Variants in ICE1 observed in about 807,000 individuals in gnomAD.
ICE1 encodes the protein little elongation complex subunit 1.
Under a neutral mutation model 192.7 loss-of-function variants are expected in ICE1, and 64 were observed. The ratio of observed to expected loss-of-function variants is 0.33; its 90% CI spans 0.27 to 0.41. ICE1 has a LOEUF of 0.41. Ranked by LOEUF, ICE1 falls within the 10% of genes least tolerant of loss-of-function variation. The probability of loss-of-function intolerance (pLI) is 1.00; values close to 1 mark genes in which losing one functional copy is unlikely to be tolerated. For synonymous variants in ICE1, 1,010 were observed against 984.5 expected (o/e 1.03, Z -0.49); for missense variants, 2,708 against 2,696.0 (o/e 1.00, Z -0.10).
chr5:5,422,930 G>T lies in ICE1; in HGVS notation c.15G>T (p.Glu5Asp). 2 of 1,444,836 alleles carry T rather than the reference G, an allele frequency of 1.4e-6. No homozygotes were observed. Among genetic ancestry groups the T allele is most frequent in the South Asian group, 2.7e-5 (2 of 74,010 alleles). The allele number at this position is 1,444,836 out of a possible 1,614,324, so 89.5% of individuals were successfully genotyped here. The stretch of plus-strand genomic sequence containing the variant: ...GCGGCGGCACCATGATGCCGGGCGA[G>T]ACCCATTCGGCGGCGCCCGGGACGG... MMPG[E>D]THSAAPGTAA... Residue 5 changes from glutamate (E) to aspartate (D), a missense_variant, in exon 1 of 19, where the codon GAG becomes GAT. Physicochemically the swap from Glu to Asp is conservative, Grantham distance 45 (BLOSUM62 2). Coordinates refer to ENST00000296564, the MANE Select transcript of ICE1 (RefSeq NM_015325.3).
intron 9 of ICE1, 35 bp from the exon 10 acceptor site, chr5:5,447,806 G>A: frequency 3.2e-6 from 5 of 1,570,498 alleles, no homozygotes; most frequent in Non-Finnish European, 4.3e-6. Context: ...TTGATATGTA[G>A]TATTTTATTA....
intron 1 of ICE1, among the ~76,000 whole-genome samples, chr5:5,434,089 A>G (rs910348368): frequency 1.1e-4 from 16 of 152,220 alleles, no homozygotes; most frequent in African/African-American, 3.1e-4. Context: ...TAATAAATAA[A>G]GGGAGAAAAA....
chr5:5,451,481 G>T (rs140169451), intron 10 of ICE1, among the ~76,000 whole-genome samples: 1 of 152,190 alleles, frequency 6.6e-6, no homozygotes, highest in Admixed American at 6.5e-5. Context: ...GGTAAACTTT[G>T]ATTAAACAAA....
chr5:5,447,026 G>A (rs547155816), intron 7 of ICE1, among the ~76,000 whole-genome samples: 10 of 152,198 alleles, frequency 6.6e-5, no homozygotes, highest in African/African-American at 2.2e-4. Flanking sequence ...TGAGAAAATC[G>A]CCTCTCCCCT....
At chr5:5,448,869 T>C (rs1480335556) in intron 10 of ICE1, among the ~76,000 whole-genome samples, 2 of 152,244 alleles carry the variant, frequency 1.3e-5, no homozygotes, top group Non-Finnish European at 2.9e-5. Context: ...TGACTAGATA[T>C]GATTCCATGT....
chr5:5,473,809 T>C, intron 16 of ICE1, 61 bp downstream of exon 16: 4 of 1,216,896 alleles, frequency 3.3e-6, no homozygotes, highest in Non-Finnish European at 4.5e-6. Context: ...TGTTGAACAC[T>C]GAATTGTGGC....
Position 5,436,454 on chromosome 5 carries a change from A to C in ICE1, c.121A>C (p.Lys41Gln). 6.8e-7 allele frequency: 1 copy of C among 1,480,466 alleles called. No homozygotes were observed. The highest frequency in any genetic ancestry group is 9.0e-7 in the Non-Finnish European group (1 of 1,112,952). The allele number at this position is 1,480,466 out of a possible 1,614,324, so 91.7% of individuals were successfully genotyped here. ...NEYVEALITL[K>Q]QKIINTDNLL... ...ATATGTTGAAGCATTAATTACCTTG[A>C]AACAAAAAATTATCAATACAGAGTA... is the stretch of plus-strand genomic sequence containing the variant. Residue 41 changes from lysine (K) to glutamine (Q), a missense_variant, in exon 2 of 19, where the codon AAA becomes CAA. Lys to Gln is a moderately conservative substitution (Grantham distance 53). Transcript: ENST00000296564.
chr5:5,430,581 C>T (rs147309371), intron 1 of ICE1, among the ~76,000 whole-genome samples: 99 of 152,292 alleles, frequency 6.5e-4, no homozygotes, highest in African/African-American at 2.3e-3. Flanking sequence ...CCCTGCTTTC[C>T]AAGACAGAAC....
chr5:5,449,594 C>T (rs1387628523), intron 10 of ICE1, among the ~76,000 whole-genome samples: 1 of 152,156 alleles, frequency 6.6e-6, no homozygotes, highest in African/African-American at 2.4e-5. Flanking sequence ...AAAATAGCAG[C>T]TCTCACAAAG....
chr5:5,482,090 TA>T (rs1371495177), intron 17 of ICE1, among the ~76,000 whole-genome samples: 1 of 152,220 alleles, frequency 6.6e-6, no homozygotes, highest in Non-Finnish European at 1.5e-5. Context: ...ATATGTACCT[TA>T]AAATATGTGA....
intron 13 of ICE1, 85 bp from the exon 14 acceptor site, chr5:5,466,249 A>C: frequency 8.0e-7 from 1 of 1,248,534 alleles, no homozygotes; most frequent in Non-Finnish European, 1.1e-6. Flanking sequence ...ATAGATACTT[A>C]AGTTTTGTAA....
chr5:5,487,514 C>T (rs1481315075), intron 18 of ICE1, among the ~76,000 whole-genome samples: 1 of 152,130 alleles, frequency 6.6e-6, no homozygotes, highest in Non-Finnish European at 1.5e-5. Flanking sequence ...TTGTCTTCAG[C>T]TTTCAGTGGG....
At position 5,465,125 on chromosome 5, in the gene ICE1, C is replaced by A; in HGVS notation, c.5791C>A (p.Pro1931Thr). ...TGCAGAGTTTTCTTTTGATCTGTTA[C>A]CTGTCATTCGTAGTCATGTGTATGT... ...KIAEFSFDLL[P>T]VIRSHVYVGN... The change falls in exon 13 of 19, where the codon CCT becomes ACT. Residue 1931 changes from proline (P) to threonine (T), a missense_variant. By Grantham distance (38) the Pro-to-Thr change is conservative. Coordinates refer to ENST00000296564, the MANE Select transcript of ICE1 (RefSeq NM_015325.3). 1.9e-6 allele frequency: 3 copies of A among 1,612,126 alleles called. No individual in the cohort carries two copies. The highest frequency in any genetic ancestry group is 1.1e-5 in the South Asian group (1 of 90,542).
At position 5,461,380 on chromosome 5, in the gene ICE1, A is replaced by G. The variant is rs1738773675; in HGVS notation, c.2046A>G (p.Thr682=). The change falls in exon 13 of 19, where the codon ACA becomes ACG. Residue 682 remains threonine, a synonymous_variant. Coordinates refer to ENST00000296564, the MANE Select transcript of ICE1 (RefSeq NM_015325.3). The part of the protein sequence containing the change: ...EHKLQTKTLN[T]LHLQSEPPEC... Reference sequence around the variant, plus strand: ...AATTGCAAACTAAAACTTTAAACACATTACATCTGCAGTCTGAGCCACCGG... The same window carrying G: ...AATTGCAAACTAAAACTTTAAACACGTTACATCTGCAGTCTGAGCCACCGG... 2 of 1,613,946 alleles carry G rather than the reference A, an allele frequency of 1.2e-6. No homozygotes were observed. The highest frequency in any genetic ancestry group is 1.7e-6 in the Non-Finnish European group (2 of 1,179,872).
At position 5,489,787 on chromosome 5, in the gene ICE1, A is replaced by G. The variant is rs747515; in HGVS notation, c.*457A>G. On this transcript the variant is annotated 3_prime_UTR_variant, in exon 19 of 19. Transcript: ENST00000296564. ...TGGCAAAAACCTAGAGTTTTCTGCTATCTTTGCTGGAAATGAGTTGCAAAA... is the reference window on the plus strand; with the variant it reads ...TGGCAAAAACCTAGAGTTTTCTGCTGTCTTTGCTGGAAATGAGTTGCAAAA... The G allele has an allele frequency of 3.3e-5, 5 of 152,776 alleles. No individual in the cohort carries two copies. Among genetic ancestry groups the G allele is most frequent in the South Asian group, 2.1e-4 (1 of 4,852 alleles). The allele number at this position is 152,776 out of a possible 1,614,324, so 9.5% of individuals were successfully genotyped here.
At chr5:5,458,972 A>G (rs1738675154) in intron 12 of ICE1, among the ~76,000 whole-genome samples, 1 of 152,034 alleles carries the variant, frequency 6.6e-6, no homozygotes, top group Non-Finnish European at 1.5e-5. Flanking sequence ...TCCTGGGTTC[A>G]CGCCATTCTC....
chr5:5,483,777 A>C (rs1739569703), intron 17 of ICE1, among the ~76,000 whole-genome samples: 2 of 152,158 alleles, frequency 1.3e-5, no homozygotes, highest in Non-Finnish European at 2.9e-5. Flanking sequence ...AGCTAGAAAA[A>C]CACTGTGTCA....
intron 10 of ICE1, among the ~76,000 whole-genome samples, chr5:5,448,623 T>G (rs542029294): frequency 1.3e-5 from 2 of 152,384 alleles, no homozygotes; most frequent in Admixed American, 1.3e-4. Flanking sequence ...AAATGTTTAA[T>G]TAGTAAATAA....
At chr5:5,465,892 A>G (rs1738970925) in intron 13 of ICE1, among the ~76,000 whole-genome samples, 1 of 152,236 alleles carries the variant, frequency 6.6e-6, no homozygotes, top group Non-Finnish European at 1.5e-5. Flanking sequence ...CTTAGGACAA[A>G]AAATGTTACT....
Sources: allele counts gnomAD v4.1 joint callset (sites outside exome capture counted in the v4.1 genomes callset), GRCh38; gene constraint gnomAD v4.1.1; transcripts MANE v1.5; gene names NCBI Gene and HGNC (gene_info 2026-07-23, HGNC 2026-07-21).